The following GALNTL6 variants were observed in gnomAD, a reference collection of about 807,000 sequenced individuals.
GALNTL6 encodes polypeptide N-acetylgalactosaminyltransferase-like 6.
Under a neutral mutation model 73.7 loss-of-function variants are expected in GALNTL6, and 46 were observed. The observed-to-expected ratio is 0.62, with a 90% CI of 0.49 to 0.80. The LOEUF (loss-of-function observed/expected upper bound fraction) is 0.80. GALNTL6 is among the 30% of genes least tolerant of loss of function. GALNTL6 has a pLI of 0.00. For synonymous variants in GALNTL6, 259 were observed against 263.7 expected, an observed-to-expected ratio of 0.98 and a Z score of 0.17; for missense variants, 604 against 755.0, an observed-to-expected ratio of 0.80 and a Z score of 2.34.
intron 3 of GALNTL6, among the ~76,000 whole-genome samples, chr4:172,298,548 C>T (rs935993139): frequency 1.3e-5 from 2 of 152,068 alleles, no homozygotes; most frequent in East Asian, 1.9e-4. Context: ...AATTTCAATA[C>T]CTAATTTATT....
intron 7 of GALNTL6, among the ~76,000 whole-genome samples, chr4:172,878,414 CA>C (rs1745293515): frequency 6.6e-6 from 1 of 151,042 alleles, no homozygotes; most frequent in South Asian, 2.1e-4. Context: ...GCCAATTAAA[CA>C]AAAATAATAA....
intron 8 of GALNTL6, among the ~76,000 whole-genome samples, chr4:172,923,686 A>G (rs1303323987): frequency 6.6e-6 from 1 of 152,084 alleles, no homozygotes. Context: ...ACACATATCC[A>G]ACACTGGGCA....
At chr4:173,015,156 G>C (rs1175663917) in intron 11 of GALNTL6, among the ~76,000 whole-genome samples, 1 of 152,192 alleles carries the variant, frequency 6.6e-6, no homozygotes, top group African/African-American at 2.4e-5. Flanking sequence ...TCCCAGCCAT[G>C]CTGAAATGTG....
intron 9 of GALNTL6, among the ~76,000 whole-genome samples, chr4:172,939,020 C>T (rs1446299379): frequency 6.6e-6 from 1 of 152,198 alleles, no homozygotes; most frequent in Non-Finnish European, 1.5e-5. Flanking sequence ...TATAATACCT[C>T]AGGACAGGCA....
At chr4:172,422,327 C>G (rs533850027) in intron 5 of GALNTL6, among the ~76,000 whole-genome samples, 2 of 152,040 alleles carry the variant, frequency 1.3e-5, no homozygotes, top group Non-Finnish European at 2.9e-5. Flanking sequence ...GTTGCTAGAT[C>G]CTATGGTAAT....
intron 5 of GALNTL6, among the ~76,000 whole-genome samples, chr4:172,593,323 A>G (rs952017411): frequency 6.6e-6 from 1 of 152,186 alleles, no homozygotes; most frequent in African/African-American, 2.4e-5. Flanking sequence ...TCTCATATTA[A>G]ATGCTGAATT....
intron 8 of GALNTL6, among the ~76,000 whole-genome samples, chr4:172,894,613 G>A (rs954117974): frequency 2.0e-5 from 3 of 152,102 alleles, no homozygotes; most frequent in Admixed American, 2.0e-4. Flanking sequence ...TTATTCTGGA[G>A]AATATTACAT....
intron 8 of GALNTL6, among the ~76,000 whole-genome samples, chr4:172,927,837 A>G (rs1285344665): frequency 1.3e-5 from 2 of 152,118 alleles, no homozygotes; most frequent in African/African-American, 2.4e-5. Flanking sequence ...CCTATCTTCA[A>G]CCACTTCTGT....
At chr4:173,038,552 G>A (rs1037093207) in intron 12 of GALNTL6, among the ~76,000 whole-genome samples, 2 of 152,210 alleles carry the variant, frequency 1.3e-5, no homozygotes, top group African/African-American at 2.4e-5. Context: ...CCCTCTTTGT[G>A]TAAGGAAAGT....
intron 2 of GALNTL6, among the ~76,000 whole-genome samples, chr4:171,976,643 C>T (rs372292991): frequency 6.6e-6 from 1 of 152,260 alleles, no homozygotes; most frequent in African/African-American, 2.4e-5. Context: ...ATGGTGACTG[C>T]ATTAGGATAA....
At chr4:172,897,887 C>G (rs1277202134) in intron 8 of GALNTL6, among the ~76,000 whole-genome samples, 1 of 152,194 alleles carries the variant, frequency 6.6e-6, no homozygotes, top group Non-Finnish European at 1.5e-5. Context: ...TCCTTCCAAT[C>G]TTTCAGTGAG....
At chr4:172,630,570 A>G (rs1437848) in intron 5 of GALNTL6, among the ~76,000 whole-genome samples, 17,752 of 151,946 alleles carry the variant, frequency 0.12, 1,278 homozygotes, top group African/African-American at 0.2. Flanking sequence ...AATAGCCATT[A>G]TCTCCATGGC....
intron 5 of GALNTL6, among the ~76,000 whole-genome samples, chr4:172,680,480 T>G (rs576699305): frequency 1.1e-4 from 17 of 152,124 alleles, no homozygotes; most frequent in African/African-American, 4.1e-4. Flanking sequence ...AAGGGGAAAA[T>G]TCATTGGAAA....
intron 3 of GALNTL6, among the ~76,000 whole-genome samples, chr4:172,274,372 T>C (rs1024310175): frequency 4.6e-5 from 7 of 152,218 alleles, no homozygotes; most frequent in Admixed American, 1.3e-4. Flanking sequence ...GTTACCTCTA[T>C]CTGGTATCTT....
intron 5 of GALNTL6, among the ~76,000 whole-genome samples, chr4:172,615,370 A>G (rs1409153948): frequency 2.6e-5 from 4 of 152,070 alleles, no homozygotes; most frequent in African/African-American, 9.7e-5. Flanking sequence ...TCTGTATTAT[A>G]ATAGCTCTCC....
chr4:171,966,565 C>A (rs1739387575), intron 2 of GALNTL6, among the ~76,000 whole-genome samples: 1 of 152,138 alleles, frequency 6.6e-6, no homozygotes, highest in Non-Finnish European at 1.5e-5. Context: ...TATTTATAGT[C>A]TGCTGAAGTC....
At chr4:172,279,811 G>A (rs1470905587) in intron 3 of GALNTL6, among the ~76,000 whole-genome samples, 1 of 152,100 alleles carries the variant, frequency 6.6e-6, no homozygotes, top group Non-Finnish European at 1.5e-5. Context: ...ATAGCCAAGA[G>A]TTGTGGAAGC....
chr4:171,972,334 T>C, intron 2 of GALNTL6, among the ~76,000 whole-genome samples: 1 of 152,316 alleles, frequency 6.6e-6, no homozygotes, highest in African/African-American at 2.4e-5. Flanking sequence ...ATTTCATAAA[T>C]CATTTCAATA....
At position 171,943,715 on chromosome 4, in the gene GALNTL6, A is replaced by C. The variant is rs145835732; in HGVS notation, c.138+128997A>C. On this transcript the variant is annotated intron_variant, in intron 2 of 12. Coordinates refer to ENST00000506823, the MANE Select transcript of GALNTL6 (RefSeq NM_001034845.3). ...TTTATGTTCTTAACGCTTTCTCAGA[A>C]GAAAGAATTCAAATGCAAAGAGAAA... is the stretch of plus-strand genomic sequence containing the variant. Among the ~76,000 whole-genome samples the C allele has an allele frequency of 1.7e-3, 265 of 152,320 alleles. 10 individuals are homozygous for C. The East Asian group carries it at 0.046, about 27-fold the overall frequency.
Sources: gnomAD v4.1 joint callset for allele counts (sites outside exome capture counted in the v4.1 genomes callset) on GRCh38, gnomAD v4.1.1 for gene constraint, MANE v1.5 for transcripts, NCBI Gene and HGNC (gene_info 2026-07-23, HGNC 2026-07-21) for gene names.